The following AGXT2 variants were observed in gnomAD, a reference collection of about 807,000 sequenced individuals.
AGXT2 encodes the protein alanine--glyoxylate aminotransferase 2, mitochondrial.
Under a neutral mutation model 62.5 loss-of-function variants are expected in AGXT2, and 61 were observed. The observed-to-expected ratio is 0.98, with a 90% CI of 0.79 to 1.21. The LOEUF (loss-of-function observed/expected upper bound fraction) is 1.21. Among genes scored for constraint, AGXT2 ranks in the 50% most tolerant of loss-of-function variants. The pLI is 0.00. For missense variants in AGXT2, 666 were observed against 641.5 expected (o/e 1.04, Z -0.41); for synonymous variants, 243 against 218.7 (o/e 1.11, Z -0.98).
At chr5:35,015,621 G>A (rs1481187061) in intron 9 of AGXT2, among the ~76,000 whole-genome samples, 1 of 152,044 alleles carries the variant, frequency 6.6e-6, no homozygotes, top group Non-Finnish European at 1.5e-5. Context: ...AGGCCGAGGT[G>A]GGTGGATCAC....
At chr5:35,005,640 G>A (rs1221064699) in intron 12 of AGXT2, among the ~76,000 whole-genome samples, 1 of 148,746 alleles carries the variant, frequency 6.7e-6, no homozygotes, top group Non-Finnish European at 1.5e-5. Context: ...CAACTGCTAT[G>A]GCTAATTGAA....
At chr5:35,005,500 C>G (rs922638883) in intron 12 of AGXT2, among the ~76,000 whole-genome samples, 1 of 152,148 alleles carries the variant, frequency 6.6e-6, no homozygotes, top group Admixed American at 6.6e-5. Context: ...GCTGGGATTA[C>G]AGGTGTGAGC....
chr5:35,041,110 G>A (rs769654990), intron 1 of AGXT2, among the ~76,000 whole-genome samples: 28 of 150,324 alleles, frequency 1.9e-4, no homozygotes, highest in Admixed American at 4.7e-4. Flanking sequence ...AATACACACG[G>A]CATTAATGAC....
intron 7 of AGXT2, among the ~76,000 whole-genome samples, chr5:35,031,729 T>A (rs1767562633): frequency 6.6e-6 from 1 of 152,196 alleles, no homozygotes; most frequent in Admixed American, 6.5e-5. Flanking sequence ...GTCAGCAGCC[T>A]GTAGGAAGGG....
intron 13 of AGXT2, among the ~76,000 whole-genome samples, chr5:35,000,475 G>A (rs908809319): frequency 1.3e-5 from 2 of 152,134 alleles, no homozygotes; most frequent in African/African-American, 4.8e-5. Context: ...CCGCCTCCCA[G>A]GTTCACACAA....
chr5:35,014,057 C>A lies in AGXT2; in HGVS notation c.1026G>T (p.Leu342=). The change falls in exon 10 of 14, where the codon CTG becomes CTT. Residue 342 remains leucine (L), a synonymous_variant. Coordinates refer to ENST00000231420, the MANE Select transcript of AGXT2 (RefSeq NM_031900.4). ...HFWGFQTHDV[L]PDIVTMAKGI... ...CTTTAGCCATGGTGACAATGTCAGGCAGGACATCGTGGGTTTGGAAGCCCC... is the reference window on the plus strand; with the variant it reads ...CTTTAGCCATGGTGACAATGTCAGGAAGGACATCGTGGGTTTGGAAGCCCC... 1 of 1,614,118 alleles carries A rather than the reference C, an allele frequency of 6.2e-7. No individual in the cohort carries two copies. Among genetic ancestry groups the A allele is most frequent in the South Asian group, 1.1e-5 (1 of 91,082 alleles).
rs146048744 is a variant in AGXT2, at chr5:35,044,782, C to T, written c.88+3023G>A. Among the ~76,000 whole-genome samples the T allele has an allele frequency of 3.4e-3, 520 of 152,268 alleles. 5 individuals are homozygous for T. Among genetic ancestry groups the T allele is most frequent in the African/African-American group, 0.012 (491 of 41,562 alleles). ...TGAGGTGGGTGGGTCTTCTTCCGCACGTTCGGGAGTAGGCATTCTCTGTGA... is the reference window on the plus strand; with the variant it reads ...TGAGGTGGGTGGGTCTTCTTCCGCATGTTCGGGAGTAGGCATTCTCTGTGA... On this transcript the variant is annotated intron_variant, in intron 1 of 13. Transcript: ENST00000231420.
In AGXT2 at chr5:35,032,769, A is replaced by T. The variant is rs746789248; in HGVS notation, c.732T>A (p.Ser244=). 3 of 1,609,892 alleles carry T rather than the reference A, an allele frequency of 1.9e-6. No individual in the cohort carries two copies. The South Asian group carries it at 3.3e-5, about 18-fold the overall frequency. ...GPWGGSHCRD[S]PVQTIRKCSC... is the part of the protein sequence containing the mutation. ...TGCACTTCCTGATTGTTTGCACTGG[A>T]GAATCTCGACAGTGGCTTCCTCCCC... Residue 244 remains serine (S), a synonymous_variant, in exon 7 of 14, where the codon TCT becomes TCA. Coordinates refer to ENST00000231420, the MANE Select transcript of AGXT2 (RefSeq NM_031900.4).
intron 13 of AGXT2, among the ~76,000 whole-genome samples, chr5:35,001,656 CACTGACT>C (rs1766230125): frequency 1.3e-5 from 2 of 152,180 alleles, no homozygotes; most frequent in African/African-American, 4.8e-5. Context: ...ATACCAGCTC[CACTGACT>C]ACTCAAGCCT....
At chr5:35,026,223 G>A (rs1767341258) in intron 8 of AGXT2, 187 bp downstream of exon 8, 1 of 642,746 alleles carries the variant, frequency 1.6e-6, no homozygotes, top group Non-Finnish European at 2.7e-6. Flanking sequence ...GGTGAGAATG[G>A]AGGAGAGGGT....
At chr5:35,036,230 A>T (rs1386103283) in intron 4 of AGXT2, among the ~76,000 whole-genome samples, 1 of 152,196 alleles carries the variant, frequency 6.6e-6, no homozygotes, top group Non-Finnish European at 1.5e-5. Flanking sequence ...TTCTGTGAAC[A>T]TCTGGGGCTG....
intron 12 of AGXT2, among the ~76,000 whole-genome samples, chr5:35,009,613 A>G (rs781693448): frequency 3.3e-5 from 5 of 152,006 alleles, no homozygotes; most frequent in African/African-American, 4.8e-5. Flanking sequence ...AACAACTCCT[A>G]ATATATATTT....
Position 35,039,363 on chromosome 5 carries a change from A to G in AGXT2, c.323T>C (p.Phe108Ser). ...AACACTGACAGTAACAATCCCGGAA[A>G]AGAAATCCAGGTATCTGCTTCCTTC... Reference protein sequence around the residue: ...DAEGSRYLDFFSGIVTVSVGH... With the variant: ...DAEGSRYLDFSSGIVTVSVGH... The change falls in exon 3 of 14, where the codon TTT becomes TCT. Residue 108 changes from phenylalanine (F) to serine (S), a missense_variant. Phe to Ser is a radical substitution (Grantham distance 155). Transcript: ENST00000231420. 6.2e-7 allele frequency: 1 copy of G among 1,614,142 alleles called. No homozygotes were observed. Among genetic ancestry groups the G allele is most frequent in the Non-Finnish European group, 8.5e-7 (1 of 1,179,966 alleles).
rs532745861 is a variant in AGXT2, at chr5:35,026,585, G to A, written c.770-75C>T. The A allele has an allele frequency of 4.2e-4, 523 of 1,234,484 alleles. 2 individuals are homozygous for A. The African/African-American group carries it at 7.5e-3, about 18-fold the overall frequency. 76.5% of individuals were successfully genotyped at this position (1,234,484 alleles called of 1,614,324 possible). ...TGAGCCTGATATTTAGAAACATGGG[G>A]AAAAACAGGAAAAAAAAAAAACAAC... is the stretch of plus-strand genomic sequence containing the variant. On this transcript the variant is annotated intron_variant, in intron 7 of 13. Transcript: ENST00000231420.
At chr5:35,040,973 A>C (rs907109213) in intron 1 of AGXT2, among the ~76,000 whole-genome samples, 2 of 152,088 alleles carry the variant, frequency 1.3e-5, no homozygotes, top group Non-Finnish European at 2.9e-5. Flanking sequence ...ATCAGTAGGC[A>C]AAACTTCTGC....
At position 35,015,746 on chromosome 5, in the gene AGXT2, A is replaced by C. The variant is rs1372315188; in HGVS notation, c.964-1627T>G. Among the ~76,000 whole-genome samples, 4 of 143,630 alleles carry C rather than the reference A, an allele frequency of 2.8e-5. No individual in the cohort carries two copies. In the East Asian group the frequency reaches 8.9e-4, roughly 32 times the overall value. 94.2% of individuals were successfully genotyped at this position (143,630 alleles called of 152,430 possible). ...GAGCCTGTAGTCCCAGCTACCTGGGAGGTTGAGGGAGGAGAATCGCTTGAA... is the reference window on the plus strand; with the variant it reads ...GAGCCTGTAGTCCCAGCTACCTGGGCGGTTGAGGGAGGAGAATCGCTTGAA... On this transcript the variant is annotated intron_variant, in intron 9 of 13. Transcript: ENST00000231420.
chr5:35,017,269 C>G (rs1336443450), intron 9 of AGXT2, among the ~76,000 whole-genome samples: 1 of 152,190 alleles, frequency 6.6e-6, no homozygotes, highest in Non-Finnish European at 1.5e-5. Flanking sequence ...CCTATTCCTA[C>G]TAACGGCATA....
At chr5:35,026,632 G>A (rs984260562) in intron 7 of AGXT2, 122 bp from the exon 8 acceptor site, 4 of 1,034,134 alleles carry the variant, frequency 3.9e-6, no homozygotes, top group Admixed American at 4.3e-5. Flanking sequence ...AGTTAATCAG[G>A]GACTTCAGAA....
intron 9 of AGXT2, among the ~76,000 whole-genome samples, chr5:35,019,590 C>T (rs373010304): frequency 5.9e-5 from 9 of 152,056 alleles, no homozygotes; most frequent in South Asian, 2.1e-4. Context: ...TAGAGGGAAA[C>T]TTATAGCACT....
Sources: gnomAD v4.1 joint callset for allele counts (sites outside exome capture counted in the v4.1 genomes callset) on GRCh38, gnomAD v4.1.1 for gene constraint, MANE v1.5 for transcripts, NCBI Gene and HGNC (gene_info 2026-07-23, HGNC 2026-07-21) for gene names.